SPIDR: variants seen among roughly 807,000 people sequenced by gnomAD.
SPIDR encodes the protein scaffold protein involved in DNA repair.
A neutral mutation model predicts 104.6 loss-of-function variants in SPIDR; 93 were observed. The observed-to-expected ratio is 0.89, with a 90% CI of 0.75 to 1.06. SPIDR has a LOEUF of 1.06. Ranked by LOEUF, SPIDR falls within the 50% of genes least tolerant of loss-of-function variation. The pLI, the probability that SPIDR is intolerant of heterozygous loss-of-function variation, is 0.00. For synonymous variants in SPIDR, 431 were observed against 416.9 expected (o/e 1.03, Z -0.41); for missense variants, 1,154 against 1,111.2 (o/e 1.04, Z -0.55).
chr8:47,261,100 T>TG, intron 1 of SPIDR, 109 bp downstream of exon 1: 2 of 1,154,996 alleles, frequency 1.7e-6, no homozygotes, highest in Non-Finnish European at 2.2e-6. Context: ...GGGTGGGCGT[T>TG]GGGGGTGAAG....
chr8:47,363,925 G>T (rs1438947053), intron 5 of SPIDR, among the ~76,000 whole-genome samples: 1 of 151,582 alleles, frequency 6.6e-6, no homozygotes, highest in African/African-American at 2.4e-5. Context: ...TTCTAGCAAG[G>T]TCTATGAGCT....
intron 8 of SPIDR, among the ~76,000 whole-genome samples, chr8:47,543,958 C>T (rs561801481): frequency 1.4e-4 from 22 of 152,142 alleles, no homozygotes; most frequent in Middle Eastern, 3.4e-3. Flanking sequence ...AGTTGGTTTC[C>T]GCTTACTCCT....
intron 1 of SPIDR, among the ~76,000 whole-genome samples, chr8:47,270,570 G>T (rs1283526340): frequency 5.3e-5 from 8 of 151,206 alleles, no homozygotes; most frequent in African/African-American, 9.7e-5. Flanking sequence ...TGTCAATTTT[G>T]TTGATCTTTT....
intron 5 of SPIDR, among the ~76,000 whole-genome samples, chr8:47,312,076 T>G (rs2044282365): frequency 6.6e-6 from 1 of 152,238 alleles, no homozygotes; most frequent in South Asian, 2.1e-4. Context: ...TGCATAGTAT[T>G]CCATGGTGGA....
chr8:47,510,289 A>AGTTACAGTG (rs2082118582), intron 8 of SPIDR, among the ~76,000 whole-genome samples: 2 of 152,258 alleles, frequency 1.3e-5, no homozygotes, highest in Non-Finnish European at 2.9e-5. Context: ...ACAAATGCTG[A>AGTTACAGTG]CAGAGTTACA....
chr8:47,408,052 A>T, intron 7 of SPIDR, 91 bp downstream of exon 7: 1 of 652,044 alleles, frequency 1.5e-6, no homozygotes, highest in Non-Finnish European at 2.4e-6. Flanking sequence ...TTAATTGTTA[A>T]TATTTTCATG....
intron 6 of SPIDR, among the ~76,000 whole-genome samples, chr8:47,399,347 G>T (rs1554660819): frequency 6.6e-6 from 1 of 152,204 alleles, no homozygotes. Context: ...GACCTGGTGA[G>T]GAGCAGACAG....
intron 1 of SPIDR, among the ~76,000 whole-genome samples, chr8:47,276,317 C>T (rs1170679307): frequency 6.6e-6 from 1 of 152,152 alleles, no homozygotes; most frequent in Non-Finnish European, 1.5e-5. Flanking sequence ...TATACAATAT[C>T]GCTTGTCCAA....
intron 10 of SPIDR, among the ~76,000 whole-genome samples, chr8:47,665,793 A>G (rs1301493093): frequency 1.3e-5 from 2 of 152,234 alleles, no homozygotes; most frequent in Non-Finnish European, 2.9e-5. Context: ...GAGATTGAAC[A>G]CAGTAGTAAT....
chr8:47,365,918 T>C (rs2057117087), intron 5 of SPIDR, among the ~76,000 whole-genome samples: 1 of 152,110 alleles, frequency 6.6e-6, no homozygotes, highest in Admixed American at 6.5e-5. Flanking sequence ...TTCTTGTGTG[T>C]GCTGCATAAA....
intron 10 of SPIDR, among the ~76,000 whole-genome samples, chr8:47,667,425 C>T (rs1263581133): frequency 1.4e-5 from 2 of 139,082 alleles, no homozygotes; most frequent in Admixed American, 7.7e-5. Context: ...AGCAAGACCT[C>T]GTCTCTTCAA....
chr8:47,511,916 C>A (rs866017495), intron 8 of SPIDR: 1 of 796,130 alleles, frequency 1.3e-6, no homozygotes, highest in Non-Finnish European at 2.3e-6. Flanking sequence ...TGAGTGAGAT[C>A]TCTAAAGGAT....
At chr8:47,535,798 ATGTTT>A (rs1285861596) in intron 8 of SPIDR, among the ~76,000 whole-genome samples, 1 of 151,830 alleles carries the variant, frequency 6.6e-6, no homozygotes, top group Non-Finnish European at 1.5e-5. Context: ...GAGAAACTAG[ATGTTT>A]TCCCACTGAG....
chr8:47,640,418 T>C (rs2068678653), intron 10 of SPIDR, among the ~76,000 whole-genome samples: 1 of 152,110 alleles, frequency 6.6e-6, no homozygotes, highest in Admixed American at 6.5e-5. Flanking sequence ...TAAAAACATA[T>C]GATCAAAGCA....
At chr8:47,368,207 T>G (rs2154293363) in intron 5 of SPIDR, among the ~76,000 whole-genome samples, 1 of 151,974 alleles carries the variant, frequency 6.6e-6, no homozygotes, top group South Asian at 2.1e-4. Flanking sequence ...TTAACCTGAT[T>G]ACCTCCCAAA....
intron 3 of SPIDR, among the ~76,000 whole-genome samples, chr8:47,285,272 T>A (rs2038618288): frequency 6.6e-6 from 1 of 152,208 alleles, no homozygotes; most frequent in South Asian, 2.1e-4. Context: ...TCAAGTGACA[T>A]GGAAGAGGTT....
At chr8:47,348,955 C>T (rs907193497) in intron 5 of SPIDR, among the ~76,000 whole-genome samples, 1 of 152,178 alleles carries the variant, frequency 6.6e-6, no homozygotes, top group Admixed American at 6.5e-5. Flanking sequence ...CTTCTGTCAA[C>T]TTGTCAAAGT....
At chr8:47,317,766 A>T (rs1204325870) in intron 5 of SPIDR, among the ~76,000 whole-genome samples, 1 of 152,106 alleles carries the variant, frequency 6.6e-6, no homozygotes, top group Non-Finnish European at 1.5e-5. Context: ...AGGAACAATC[A>T]GGCAGCAACA....
intron 5 of SPIDR, among the ~76,000 whole-genome samples, chr8:47,367,238 C>A (rs1462599444): frequency 1.3e-5 from 2 of 152,122 alleles, no homozygotes; most frequent in African/African-American, 4.8e-5. Flanking sequence ...TATCCAGGAG[C>A]CCAGAGCAAA....
Sources: gnomAD v4.1 joint callset for allele counts (sites outside exome capture counted in the v4.1 genomes callset) on GRCh38, gnomAD v4.1.1 for gene constraint, MANE v1.5 for transcripts, NCBI Gene and HGNC (gene_info 2026-07-23, HGNC 2026-07-21) for gene names.